PRDM16: variants seen among roughly 807,000 people sequenced by gnomAD.
The protein encoded by PRDM16 is PR/SET domain 16, also known as histone-lysine N-methyltransferase PRDM16.
In PRDM16, 23 loss-of-function variants were observed where a neutral mutation model predicts 110.6. The ratio of observed to expected loss-of-function variants is 0.21; its 90% CI spans 0.15 to 0.29. The LOEUF (loss-of-function observed/expected upper bound fraction) is 0.29. PRDM16 is among the 10% of genes least tolerant of loss of function. The pLI, the probability that PRDM16 is intolerant of heterozygous loss-of-function variation, is 1.00. For synonymous variants in PRDM16, 799 were observed against 781.8 expected (o/e 1.02, Z -0.37); for missense variants, 1,615 against 1,794.3 (o/e 0.90, Z 1.81).
At chr1:3,165,196 C>T (rs1643936533) in intron 1 of PRDM16, among the ~76,000 whole-genome samples, 1 of 139,716 alleles carries the variant, frequency 7.2e-6, no homozygotes, top group South Asian at 2.4e-4. Flanking sequence ...GGGACAGGGA[C>T]TTACCTGGCC....
chr1:3,371,261 C>T (rs1642902328), intron 3 of PRDM16, among the ~76,000 whole-genome samples: 1 of 151,058 alleles, frequency 6.6e-6, no homozygotes, highest in South Asian at 2.1e-4. Flanking sequence ...ATCCATCCAC[C>T]ATCCATTCAT....
Position 3,430,902 on chromosome 1 carries a change from C to T in PRDM16, c.3315C>T (p.Ala1105=), listed in dbSNP as rs761167518. The T allele has an allele frequency of 6.2e-7, 1 of 1,614,114 alleles. No homozygotes were observed. The highest frequency in any genetic ancestry group is 2.2e-5 in the East Asian group (1 of 44,880). ...ACATGCAGATCGTGGACGGCAGTGC[C>T]CAGTGTCCAGGCCTAGCCAGTGAGA... The part of the protein sequence containing the change: ...RADMQIVDGS[A]QCPGLASEKQ... Residue 1105 remains alanine, a synonymous_variant, in exon 15 of 17, where the codon GCC becomes GCT. Transcript: ENST00000270722.
At chr1:3,393,098 C>A (rs1334659058) in intron 4 of PRDM16, among the ~76,000 whole-genome samples, 1 of 152,198 alleles carries the variant, frequency 6.6e-6, no homozygotes, top group South Asian at 2.1e-4. Flanking sequence ...CATTTATTGG[C>A]GCTAGTAAAC....
At chr1:3,105,512 G>T (rs1415910191) in intron 1 of PRDM16, among the ~76,000 whole-genome samples, 1 of 152,202 alleles carries the variant, frequency 6.6e-6, no homozygotes, top group African/African-American at 2.4e-5. Flanking sequence ...GACGGTCACC[G>T]GTCTGGACCC....
chr1:3,241,185 C>T (rs1025930066), intron 2 of PRDM16, among the ~76,000 whole-genome samples: 4 of 152,260 alleles, frequency 2.6e-5, no homozygotes, highest in Non-Finnish European at 5.9e-5. Context: ...ATGGGGCAGG[C>T]GGTTCCGCAA....
intron 1 of PRDM16, among the ~76,000 whole-genome samples, chr1:3,151,066 C>A (rs1313327916): frequency 2.6e-5 from 4 of 152,036 alleles, no homozygotes; most frequent in African/African-American, 9.7e-5. Context: ...CCAGCAGCCA[C>A]CCTCGGGGAG....
At chr1:3,090,917 T>C (rs1642261603) in intron 1 of PRDM16, among the ~76,000 whole-genome samples, 1 of 152,200 alleles carries the variant, frequency 6.6e-6, no homozygotes, top group South Asian at 2.1e-4. Flanking sequence ...CACACAGGCC[T>C]GGATGTCCTT....
At position 3,139,500 on chromosome 1, in the gene PRDM16, G is replaced by A. The variant is rs1643505252; in HGVS notation, c.38-46625G>A. 2.6e-5 allele frequency among the ~76,000 whole-genome samples: 4 copies of A among 152,240 alleles called. No individual in the cohort carries two copies. In the South Asian group the frequency reaches 8.3e-4, roughly 31 times the overall value. On this transcript the variant is annotated intron_variant, in intron 1 of 16. Coordinates refer to ENST00000270722, the MANE Select transcript of PRDM16 (RefSeq NM_022114.4). Reference sequence around the variant, plus strand: ...TGCTGGCAGGGGCGGGGTCCCTCGGGGGCTGCAGACCCAGGCGCTCAGCCC... The same window carrying A: ...TGCTGGCAGGGGCGGGGTCCCTCGGAGGCTGCAGACCCAGGCGCTCAGCCC...
intron 1 of PRDM16, among the ~76,000 whole-genome samples, chr1:3,166,484 C>T (rs1557496643): frequency 1.3e-5 from 2 of 152,254 alleles, no homozygotes; most frequent in South Asian, 4.1e-4. Flanking sequence ...TTTGCTAAGC[C>T]CACTTGGTTT....
chr1:3,105,607 G>A (rs1400621483), intron 1 of PRDM16, among the ~76,000 whole-genome samples: 3 of 152,230 alleles, frequency 2.0e-5, no homozygotes, highest in Admixed American at 6.5e-5. Context: ...CCTTCCTCAT[G>A]ACTGTGATTA....
intron 3 of PRDM16, among the ~76,000 whole-genome samples, chr1:3,305,283 C>T (rs1168939974): frequency 1.3e-5 from 2 of 152,222 alleles, no homozygotes; most frequent in East Asian, 1.9e-4. Flanking sequence ...CGCAGGCCCC[C>T]GGGAACCACA....
chr1:3,120,361 A>T (rs1307398905), intron 1 of PRDM16, among the ~76,000 whole-genome samples: 1 of 152,088 alleles, frequency 6.6e-6, no homozygotes, highest in African/African-American at 2.4e-5. Flanking sequence ...TCGTCACCGC[A>T]GAAGGGAGTT....
chr1:3,337,360 C>T (rs79943218), intron 3 of PRDM16, among the ~76,000 whole-genome samples: 3,272 of 152,302 alleles, frequency 0.021, 179 homozygotes, highest in East Asian at 0.11. Context: ...CTGAGCATCC[C>T]CACCGCTTCC....
chr1:3,256,473 C>T lies in PRDM16; in HGVS notation c.438+12336C>T, dbSNP rs375715973. 4.9e-4 allele frequency among the ~76,000 whole-genome samples: 74 copies of T among 152,224 alleles called. 1 individual carries two copies. In the South Asian group the frequency reaches 0.012, roughly 24 times the overall value. On this transcript the variant is annotated intron_variant, in intron 3 of 16. Transcript: ENST00000270722. Reference sequence around the variant, plus strand: ...ATCACACCAACGTAGGTGTTCATCACGGGGGAATTGCGGGGAGACAGGGAG... The same window carrying T: ...ATCACACCAACGTAGGTGTTCATCATGGGGGAATTGCGGGGAGACAGGGAG...
intron 2 of PRDM16, among the ~76,000 whole-genome samples, chr1:3,229,245 G>A (rs779392778): frequency 6.6e-6 from 1 of 152,130 alleles, no homozygotes; most frequent in Admixed American, 6.5e-5. Flanking sequence ...ACCCACACAC[G>A]GGCTGGGTGG....
intron 2 of PRDM16, among the ~76,000 whole-genome samples, chr1:3,189,256 G>A (rs1445031109): frequency 2.0e-5 from 3 of 152,212 alleles, no homozygotes; most frequent in South Asian, 2.1e-4. Flanking sequence ...ACCAACAAGC[G>A]GCCCTGCTAG....
chr1:3,322,323 G>A (rs1246110166), intron 3 of PRDM16, among the ~76,000 whole-genome samples: 2 of 152,144 alleles, frequency 1.3e-5, no homozygotes, highest in East Asian at 3.9e-4. Context: ...GAATAAACGG[G>A]CTGTTGATTG....
intron 2 of PRDM16, among the ~76,000 whole-genome samples, chr1:3,220,786 C>G (rs1165177360): frequency 1.3e-5 from 2 of 152,166 alleles, no homozygotes; most frequent in African/African-American, 2.4e-5. Flanking sequence ...CGTGCATCTG[C>G]TCGCCTCCTC....
intron 3 of PRDM16, among the ~76,000 whole-genome samples, chr1:3,380,579 G>A (rs577375552): frequency 9.2e-5 from 14 of 152,284 alleles, no homozygotes; most frequent in East Asian, 3.9e-4. Flanking sequence ...CTCTGCACCC[G>A]AGAGGGTCGG....
Sources: allele counts gnomAD v4.1 joint callset (sites outside exome capture counted in the v4.1 genomes callset), GRCh38; gene constraint gnomAD v4.1.1; transcripts MANE v1.5; gene names NCBI Gene and HGNC (gene_info 2026-07-23, HGNC 2026-07-21).